Variants in UTY observed in about 807,000 individuals in gnomAD.
The protein encoded by UTY is ubiquitously transcribed tetratricopeptide repeat containing, Y-linked.
In UTY, 12 loss-of-function variants were observed where a neutral mutation model predicts 32.5. That is an observed-to-expected ratio of 0.37 (90% CI 0.24 to 0.60). UTY has a LOEUF of 0.60. Among genes scored for constraint, UTY ranks in the 20% least tolerant of loss-of-function variants. UTY has a pLI of 0.69. For synonymous variants in UTY, 131 were observed against 103.4 expected, an observed-to-expected ratio of 1.27 and a Z score of -1.62; for missense variants, 303 against 299.2, an observed-to-expected ratio of 1.01 and a Z score of -0.09.
At chrY:13,271,037 G>C (rs2056270042) in intron 27 of UTY, among the ~76,000 whole-genome samples, 1 of 33,429 alleles carries the variant, frequency 3.0e-5, no homozygotes, top group Non-Finnish European at 7.4e-5. Context: ...CCAAGATTAT[G>C]TCAGTGCACA....
At chrY:13,355,592 C>A in intron 16 of UTY, 194 bp from the exon 17 acceptor site, 1 of 331,785 alleles carries the variant, frequency 3.0e-6, no homozygotes, top group Non-Finnish European at 4.1e-6. Flanking sequence ...AGCTCAAGGG[C>A]AAAATAAAGC....
intron 8 of UTY, among the ~76,000 whole-genome samples, chrY:13,392,539 C>T: frequency 3.0e-5 from 1 of 33,613 alleles, no homozygotes; most frequent in Non-Finnish European, 7.4e-5. Flanking sequence ...AACTTTGATT[C>T]AATGAATCTC....
intron 4 of UTY, among the ~76,000 whole-genome samples, chrY:13,432,061 A>G: frequency 3.0e-5 from 1 of 33,557 alleles, no homozygotes; most frequent in Non-Finnish European, 7.4e-5. Flanking sequence ...AGAAATAAAT[A>G]TTACTGAACT....
chrY:13,339,126 G>A, intron 17 of UTY, among the ~76,000 whole-genome samples: 1 of 33,999 alleles, frequency 2.9e-5, no homozygotes, highest in African/African-American at 1.2e-4. Flanking sequence ...AGGCTTTTTG[G>A]ACATATGTCT....
intron 4 of UTY, among the ~76,000 whole-genome samples, chrY:13,427,278 G>C (rs2073428189): frequency 5.9e-5 from 2 of 33,681 alleles, no homozygotes; most frequent in African/African-American, 2.3e-4. Context: ...CAGTAAGAGA[G>C]AAAAACACAA....
intron 24 of UTY, among the ~76,000 whole-genome samples, chrY:13,303,372 T>G: frequency 3.0e-5 from 1 of 33,381 alleles, no homozygotes. Context: ...TTAGAAATAC[T>G]AGGACACCAC....
chrY:13,297,544 A>G, intron 27 of UTY, 163 bp downstream of exon 27: 1 of 316,428 alleles, frequency 3.2e-6, no homozygotes, highest in Middle Eastern at 9.6e-4. Flanking sequence ...ATGAGATTTT[A>G]TAACACTTAT....
intron 3 of UTY, among the ~76,000 whole-genome samples, chrY:13,465,105 T>C: frequency 3.1e-5 from 1 of 32,166 alleles, no homozygotes; most frequent in Admixed American, 2.8e-4. Context: ...AATAAATACA[T>C]AAAATAAATA....
At chrY:13,239,620 C>T (rs953425332) in intron 28 of UTY, among the ~76,000 whole-genome samples, 4 of 33,487 alleles carry the variant, frequency 1.2e-4, no homozygotes, top group East Asian at 1.6e-3. Context: ...TCCCAGTAGA[C>T]GAACAGACTG....
At chrY:13,292,349 C>T (rs2057803190) in intron 27 of UTY, among the ~76,000 whole-genome samples, 17 of 27,501 alleles carry the variant, frequency 6.2e-4, no homozygotes, top group African/African-American at 2.3e-3. Flanking sequence ...CTCAGGAGGC[C>T]GAGGCAGGAG....
chrY:13,271,001 G>T, intron 27 of UTY, among the ~76,000 whole-genome samples: 1 of 33,472 alleles, frequency 3.0e-5, no homozygotes, highest in Non-Finnish European at 7.4e-5. Flanking sequence ...GATTGCTTGA[G>T]CCTGGGAGGT....
intron 4 of UTY, among the ~76,000 whole-genome samples, chrY:13,424,056 C>A: frequency 9.0e-5 from 3 of 33,323 alleles, no homozygotes; most frequent in African/African-American, 2.4e-4. Context: ...ACAAACTCCA[C>A]TAGAAACTTC....
intron 4 of UTY, among the ~76,000 whole-genome samples, chrY:13,427,465 A>C: frequency 3.0e-5 from 1 of 33,483 alleles, no homozygotes; most frequent in Non-Finnish European, 7.4e-5. Flanking sequence ...CACTTCACCT[A>C]TAAAGATACT....
intron 4 of UTY, among the ~76,000 whole-genome samples, chrY:13,422,614 T>C (rs2072725134): frequency 3.0e-5 from 1 of 33,796 alleles, no homozygotes; most frequent in Admixed American, 2.7e-4. Context: ...TTAAGAAAGA[T>C]AGTATCTCTG....
intron 3 of UTY, among the ~76,000 whole-genome samples, chrY:13,452,148 C>T (rs1603468168): frequency 3.0e-5 from 1 of 32,841 alleles, no homozygotes; most frequent in East Asian, 7.8e-4. Context: ...GTGGGTGGAT[C>T]ACTTAAGGTC....
chrY:13,282,434 C>T, intron 27 of UTY, among the ~76,000 whole-genome samples: 1 of 33,131 alleles, frequency 3.0e-5, no homozygotes, highest in Admixed American at 2.6e-4. Flanking sequence ...GCCTGCCTGG[C>T]GTAAACCCAG....
At chrY:13,378,724 G>A (rs2065666010) in intron 8 of UTY, among the ~76,000 whole-genome samples, 1 of 30,922 alleles carries the variant, frequency 3.2e-5, no homozygotes, top group East Asian at 8.9e-4. Flanking sequence ...GCAGTGAGCC[G>A]AGATCACACC....
At chrY:13,272,680 T>C (rs2056383261) in intron 27 of UTY, among the ~76,000 whole-genome samples, 1 of 34,052 alleles carries the variant, frequency 2.9e-5, no homozygotes, top group East Asian at 7.6e-4. Flanking sequence ...TCAAAGGATA[T>C]GTAACAAACG....
intron 18 of UTY, among the ~76,000 whole-genome samples, chrY:13,329,356 G>T (rs2060503609): frequency 3.0e-5 from 1 of 33,608 alleles, no homozygotes; most frequent in Admixed American, 2.7e-4. Flanking sequence ...GCTCTTTTAT[G>T]AATCTAATAA....
Sources: allele counts gnomAD v4.1 joint callset (sites outside exome capture counted in the v4.1 genomes callset), GRCh38; gene constraint gnomAD v4.1.1; transcripts MANE v1.5; gene names NCBI Gene and HGNC (gene_info 2026-07-23, HGNC 2026-07-21).